The following KIAA1671 variants were observed in gnomAD, a reference collection of about 807,000 sequenced individuals.
KIAA1671 encodes KIAA1671.
A neutral mutation model predicts 131.2 loss-of-function variants in KIAA1671; 52 were observed. That is an observed-to-expected ratio of 0.40 (90% CI 0.32 to 0.50). The LOEUF is 0.50. KIAA1671 is among the 20% of genes least tolerant of loss of function. The pLI, the probability that KIAA1671 is intolerant of heterozygous loss-of-function variation, is 0.73. For synonymous variants in KIAA1671, 1,003 were observed against 961.6 expected, an observed-to-expected ratio of 1.04 and a Z score of -0.80; for missense variants, 2,360 against 2,364.2, an observed-to-expected ratio of 1.00 and a Z score of 0.04.
intron 1 of KIAA1671, among the ~76,000 whole-genome samples, chr22:24,961,737 ACTC>A (rs1287878307): frequency 6.6e-6 from 1 of 152,174 alleles, no homozygotes; most frequent in Non-Finnish European, 1.5e-5. Context: ...GTTGAAGTCT[ACTC>A]CTCTCATGGA....
rs184876875 is a variant in KIAA1671, at chr22:25,192,054, A to G, written c.*5-352A>G. Among the ~76,000 whole-genome samples the G allele has an allele frequency of 5.3e-4, 80 of 152,216 alleles. 1 individual carries two copies. The highest frequency in any genetic ancestry group is 1.8e-3 in the African/African-American group (76 of 41,530). ...AAATTATAAATTCCCAAATAAAACT[A>G]TGCTCAAGGGATTTGGATAAGGGAT... On this transcript the variant is annotated intron_variant, in intron 12 of 12. Transcript: ENST00000358431.
intron 4 of KIAA1671, among the ~76,000 whole-genome samples, chr22:25,034,141 G>T (rs1324599076): frequency 6.6e-6 from 1 of 151,560 alleles, no homozygotes; most frequent in African/African-American, 2.4e-5. Context: ...CACCTCCCAG[G>T]TTCAAGTGAT....
At chr22:25,037,177 G>T (rs1926648749) in intron 4 of KIAA1671, among the ~76,000 whole-genome samples, 1 of 151,838 alleles carries the variant, frequency 6.6e-6, no homozygotes, top group Admixed American at 6.6e-5. Flanking sequence ...ACAAAAATTG[G>T]CTGGGTGTAG....
intron 6 of KIAA1671, among the ~76,000 whole-genome samples, chr22:25,165,329 C>T (rs990343488): frequency 6.6e-6 from 1 of 152,148 alleles, no homozygotes; most frequent in Non-Finnish European, 1.5e-5. Context: ...AGAAGTAGCT[C>T]GTCCAAGGTC....
At chr22:24,972,582 T>C (rs1922681226) in intron 1 of KIAA1671, among the ~76,000 whole-genome samples, 1 of 152,162 alleles carries the variant, frequency 6.6e-6, no homozygotes, top group East Asian at 1.9e-4. Flanking sequence ...CTGTACTTTC[T>C]TCCTTCTTTC....
intron 6 of KIAA1671, among the ~76,000 whole-genome samples, chr22:25,090,493 A>G (rs541421611): frequency 5.9e-5 from 9 of 152,288 alleles, no homozygotes; most frequent in African/African-American, 1.9e-4. Flanking sequence ...TGAAATCTCA[A>G]ATGTCTCCCA....
chr22:25,120,143 TC>T (rs1931861887), intron 6 of KIAA1671, among the ~76,000 whole-genome samples: 1 of 152,118 alleles, frequency 6.6e-6, no homozygotes, highest in South Asian at 2.1e-4. Flanking sequence ...TGTGTGCCCT[TC>T]CCCCATCTCC....
At chr22:25,046,402 T>TTCTTCTCTCCATCCCTTCCTCTCTCCATC in intron 5 of KIAA1671, among the ~76,000 whole-genome samples, 1 of 146,850 alleles carries the variant, frequency 6.8e-6, no homozygotes, top group African/African-American at 2.5e-5. Context: ...TTAAAGTGAT[T>TTCTTCTCTCCATCCCTTCCTCTCTCCATC]CCTTCCTCTC....
At chr22:24,990,776 A>G (rs1400611657) in intron 1 of KIAA1671, among the ~76,000 whole-genome samples, 1 of 152,110 alleles carries the variant, frequency 6.6e-6, no homozygotes, top group East Asian at 1.9e-4. Context: ...GATTCCTGCC[A>G]GAGGCTGGAG....
Position 25,028,951 on chromosome 22 carries a change from A to T in KIAA1671, c.952A>T (p.Arg318Trp). 1 of 1,550,154 alleles carries T rather than the reference A, an allele frequency of 6.5e-7. No individual in the cohort carries two copies. The highest frequency in any genetic ancestry group is 1.2e-5 in the South Asian group (1 of 83,784). ...PTAGDMAGLERPRAASKLDRD... is the reference protein window; with the variant it reads ...PTAGDMAGLEWPRAASKLDRD... ...AGCAGGGGATATGGCTGGGCTAGAG[A>T]GGCCCAGAGCAGCGTCCAAGCTGGA... Residue 318 changes from arginine to tryptophan, a missense_variant, in exon 3 of 13, where the codon AGG becomes TGG. Around this residue, in one of 3 missense-constraint regions of KIAA1671, gnomAD observed 1,185 missense variants for 1,126.2 expected, o/e 1.05. Transcript: ENST00000358431.
chr22:25,035,709 C>T (rs1406785418), intron 4 of KIAA1671, among the ~76,000 whole-genome samples: 4 of 152,056 alleles, frequency 2.6e-5, no homozygotes, highest in Admixed American at 6.6e-5. Flanking sequence ...CTGTGTGTGG[C>T]GAGAGTGGCA....
chr22:25,103,735 G>A (rs1369492504), intron 6 of KIAA1671, among the ~76,000 whole-genome samples: 4 of 152,036 alleles, frequency 2.6e-5, no homozygotes, highest in African/African-American at 4.8e-5. Flanking sequence ...CTTGTGATCC[G>A]CCCATCGCGG....
chr22:25,193,361 G>GA lies in KIAA1671; in HGVS notation c.*962dup, dbSNP rs1473728531. ...CCCAAGTGGTGGTGCCTTTGCTTAT[G>GA]AATCATCAGACCTGCCCTAGTAATC... On this transcript the variant is annotated 3_prime_UTR_variant, in exon 13 of 13. Transcript: ENST00000358431. 6.6e-6 allele frequency: 1 copy of GA among 152,212 alleles called. No individual in the cohort carries two copies. Among genetic ancestry groups the GA allele is most frequent in the Non-Finnish European group, 1.5e-5 (1 of 68,044 alleles). 9.4% of individuals were successfully genotyped at this position (152,212 alleles called of 1,614,324 possible).
intron 4 of KIAA1671, among the ~76,000 whole-genome samples, chr22:25,034,983 T>C (rs370457017): frequency 0.017 from 2,599 of 151,296 alleles, 29 homozygotes; most frequent in Middle Eastern, 0.045. Context: ...GTGAGCCACC[T>C]GCCTCGGCCT....
chr22:25,149,451 G>A (rs1476648425), intron 6 of KIAA1671, among the ~76,000 whole-genome samples: 2 of 152,056 alleles, frequency 1.3e-5, no homozygotes, highest in East Asian at 3.9e-4. Context: ...ATTTTCTGGG[G>A]TGCTGATCAC....
intron 1 of KIAA1671, among the ~76,000 whole-genome samples, chr22:24,954,981 A>G (rs900716183): frequency 2.0e-5 from 3 of 152,100 alleles, no homozygotes; most frequent in African/African-American, 7.2e-5. Flanking sequence ...GGGTTTCACC[A>G]TGTTGGCCAG....
intron 3 of KIAA1671, among the ~76,000 whole-genome samples, chr22:25,029,997 A>G (rs1005094720): frequency 1.3e-5 from 2 of 152,368 alleles, no homozygotes; most frequent in African/African-American, 4.8e-5. Flanking sequence ...AGAGGAGTCA[A>G]GGTAACTTGG....
chr22:25,159,912 A>G (rs1933378047), intron 6 of KIAA1671, among the ~76,000 whole-genome samples: 2 of 152,216 alleles, frequency 1.3e-5, no homozygotes, highest in Admixed American at 1.3e-4. Flanking sequence ...GAATGTTTAT[A>G]AAAACTGGTT....
intron 1 of KIAA1671, chr22:25,011,388 A>G (rs1263324331): frequency 6.6e-6 from 1 of 152,086 alleles, no homozygotes; most frequent in Non-Finnish European, 1.5e-5. Flanking sequence ...ACCACAGGTG[A>G]TCCATCCACC....
Sources: allele counts gnomAD v4.1 joint callset (sites outside exome capture counted in the v4.1 genomes callset), GRCh38; gene constraint gnomAD v4.1.1; regional missense constraint gnomAD v4.1.1; transcripts MANE v1.5; gene names NCBI Gene and HGNC (gene_info 2026-07-23, HGNC 2026-07-21).